CLPTM1: variants seen among roughly 807,000 people sequenced by gnomAD.
CLPTM1 encodes CLPTM1 regulator of GABA type A receptor forward trafficking, also known as putative lipid scramblase CLPTM1.
Under a neutral mutation model 77.3 loss-of-function variants are expected in CLPTM1, and 21 were observed. The ratio of observed to expected loss-of-function variants is 0.27; its 90% CI spans 0.19 to 0.39. CLPTM1 has a LOEUF of 0.39. CLPTM1 is among the 10% of genes least tolerant of loss of function. The pLI is 1.00. For synonymous variants in CLPTM1, 373 were observed against 381.0 expected (o/e 0.98, Z 0.24); for missense variants, 642 against 921.2 (o/e 0.70, Z 3.92).
At chr19:44,955,027 C>G (rs781107439), upstream of CLPTM1, 43 of 1,535,584 alleles carry the variant, frequency 2.8e-5, no homozygotes, top group South Asian at 5.0e-4. Context: ...GAAAAGGACG[C>G]GAAGAATCGG....
upstream of CLPTM1, chr19:44,955,221 G>A (rs535642102): frequency 9.4e-5 from 143 of 1,521,236 alleles, 2 homozygotes; most frequent in East Asian, 3.0e-3. Flanking sequence ...GAGTACGGTG[G>A]CCAGGTTGGT....
intron 2 of CLPTM1, among the ~76,000 whole-genome samples, chr19:44,972,873 G>A (rs1970743576): frequency 6.6e-6 from 1 of 151,790 alleles, no homozygotes; most frequent in Non-Finnish European, 1.5e-5. Context: ...CCACACACTG[G>A]CAAACGGTGG....
rs1970995716 is a variant in CLPTM1, at chr19:44,987,338, A to G, written c.953A>G (p.Tyr318Cys). ...CTCTCGCTTTGGCGCTGGCAGCTCTATGCTGCCCAGAGCACCAAGTCGCCC... is the reference window on the plus strand; with the variant it reads ...CTCTCGCTTTGGCGCTGGCAGCTCTGTGCTGCCCAGAGCACCAAGTCGCCC... ...CPLSLWRWQL[Y>C]AAQSTKSPWN... Residue 318 changes from tyrosine to cysteine, a missense_variant, in exon 8 of 14, where the codon TAT becomes TGT. Tyr to Cys is a radical substitution (Grantham distance 194, BLOSUM62 -2). This residue lies in a region of CLPTM1 where 521 missense variants were observed against 800.4 expected (regional missense o/e 0.65). Coordinates refer to ENST00000337392, the MANE Select transcript of CLPTM1 (RefSeq NM_001294.4). 6.2e-7 allele frequency: 1 copy of G among 1,614,182 alleles called. No homozygotes were observed. Among genetic ancestry groups the G allele is most frequent in the Non-Finnish European group, 8.5e-7 (1 of 1,179,996 alleles).
At chr19:44,973,007 TA>T in intron 2 of CLPTM1, 79 bp from the exon 3 acceptor site, 1 of 1,571,858 alleles carries the variant, frequency 6.4e-7, no homozygotes, top group South Asian at 1.2e-5. Context: ...CAGCATGTGC[TA>T]AGTCAGAAGG....
chr19:44,963,207 CAAAAAA>C (rs778157562), intron 2 of CLPTM1, among the ~76,000 whole-genome samples: 1 of 29,052 alleles, frequency 3.4e-5, no homozygotes, highest in Non-Finnish European at 6.0e-5. Flanking sequence ...GACTCCATCT[CAAAAAA>C]AAAAAAAAAA....
chr19:44,955,181 A>G (rs1266849422), upstream of CLPTM1: 2 of 1,534,714 alleles, frequency 1.3e-6, no homozygotes, highest in Admixed American at 3.9e-5. Flanking sequence ...TGTTTTTATT[A>G]GGTGGAAACA....
intron 1 of CLPTM1, among the ~76,000 whole-genome samples, chr19:44,957,503 T>C (rs1970482541): frequency 6.6e-6 from 1 of 152,258 alleles, no homozygotes; most frequent in African/African-American, 2.4e-5. Context: ...AATTCCCTGA[T>C]GCCGTGGTGG....
intron 7 of CLPTM1, 108 bp from the exon 8 acceptor site, chr19:44,987,071 T>C: frequency 7.1e-7 from 1 of 1,401,090 alleles, no homozygotes; most frequent in Middle Eastern, 1.9e-4. Flanking sequence ...TCCCCTGTCC[T>C]CCAGTCTCTG....
intron 1 of CLPTM1, 84 bp from the exon 2 acceptor site, chr19:44,961,879 T>G: frequency 1.2e-6 from 1 of 824,724 alleles, no homozygotes; most frequent in South Asian, 1.9e-5. Context: ...TTGCCCAGCC[T>G]GTGCCTGGCC....
chr19:44,977,516 G>A lies in CLPTM1; in HGVS notation c.586+56G>A. The stretch of plus-strand genomic sequence containing the variant: ...TGTCCAGGAGGCCAGCATCCTGGGA[G>A]CCCCCAGGCTAATGTGGCGGACAAA... On this transcript the variant is annotated intron_variant, in intron 5 of 13. Coordinates refer to ENST00000337392, the MANE Select transcript of CLPTM1 (RefSeq NM_001294.4). 3 of 1,318,788 alleles carry A rather than the reference G, an allele frequency of 2.3e-6. No homozygotes were observed. In the African/African-American group the frequency reaches 4.3e-5, roughly 19 times the overall value. The allele number at this position is 1,318,788 out of a possible 1,614,324, so 81.7% of individuals were successfully genotyped here. A position where few individuals can be genotyped will look rare whatever the true frequency, so the allele number is the denominator to read the frequency against.
At chr19:44,977,848 G>A (rs1473109028) in intron 5 of CLPTM1, among the ~76,000 whole-genome samples, 1 of 152,154 alleles carries the variant, frequency 6.6e-6, no homozygotes, top group Non-Finnish European at 1.5e-5. Flanking sequence ...GGGTGCAGTG[G>A]TTCATGCCTG....
rs755981416 is a variant in CLPTM1, at chr19:44,973,093, C to T, written c.192C>T (p.Phe64=). ...TTGCTGCTTCTCTCCTCAGGATCTTCATCATCTGGGCCATCAGCAGTTGGT... is the reference window on the plus strand; with the variant it reads ...TTGCTGCTTCTCTCCTCAGGATCTTTATCATCTGGGCCATCAGCAGTTGGT... The part of the protein sequence containing the change: ...QVIKGVLFRI[F]IIWAISSWFR... The change falls in exon 3 of 14, where the codon TTC becomes TTT. Residue 64 remains phenylalanine, a synonymous_variant. Coordinates refer to ENST00000337392, the MANE Select transcript of CLPTM1 (RefSeq NM_001294.4). 1 of 1,613,794 alleles carries T rather than the reference C, an allele frequency of 6.2e-7. No homozygotes were observed. Among genetic ancestry groups the T allele is most frequent in the East Asian group, 2.2e-5 (1 of 44,864 alleles).
chr19:44,971,796 C>G (rs1054141653), intron 2 of CLPTM1, among the ~76,000 whole-genome samples: 2 of 151,086 alleles, frequency 1.3e-5, no homozygotes, highest in African/African-American at 2.4e-5. Flanking sequence ...TGAGCTCAAG[C>G]AATCCGCCTG....
intron 4 of CLPTM1, among the ~76,000 whole-genome samples, chr19:44,975,022 A>G (rs888247926): frequency 6.6e-6 from 1 of 151,328 alleles, no homozygotes; most frequent in Non-Finnish European, 1.5e-5. Context: ...TGAAGCAGGA[A>G]CTGTTATTAT....
In CLPTM1 at chr19:44,993,001, C is replaced by T. The variant is rs980492591; in HGVS notation, c.*104C>T. 6.2e-5 allele frequency: 88 copies of T among 1,412,590 alleles called. No homozygotes were observed. Among genetic ancestry groups the T allele is most frequent in the Non-Finnish European group, 7.7e-5 (79 of 1,030,944 alleles). 87.5% of individuals were successfully genotyped at this position (1,412,590 alleles called of 1,614,324 possible). A position where few individuals can be genotyped will look rare whatever the true frequency, so the allele number is the denominator to read the frequency against. ...CGCCCTTTCCCTGGACAGATCAGGC[C>T]GGGGCGGTGGGAGGCCCGCCTCAGG... is the stretch of plus-strand genomic sequence containing the variant. On this transcript the variant is annotated 3_prime_UTR_variant, in exon 14 of 14. Coordinates refer to ENST00000337392, the MANE Select transcript of CLPTM1 (RefSeq NM_001294.4).
intron 1 of CLPTM1, among the ~76,000 whole-genome samples, chr19:44,959,949 G>T (rs768306636): frequency 6.6e-6 from 1 of 152,148 alleles, no homozygotes; most frequent in Admixed American, 6.5e-5. Context: ...ACGGGTAAGC[G>T]AAGAGACCTG....
chr19:44,976,483 A>G lies in CLPTM1; in HGVS notation c.469-860A>G, dbSNP rs149145668. ...TGCACTCCAGCCTGGGCAACACAGG[A>G]AGACCCCATCTCTAAAAAAGATAGG... is the stretch of plus-strand genomic sequence containing the variant. On this transcript the variant is annotated intron_variant, in intron 4 of 13. Transcript: ENST00000337392. Among the ~76,000 whole-genome samples, 186 of 152,346 alleles carry G rather than the reference A, an allele frequency of 1.2e-3. 2 individuals are homozygous for G. The highest frequency in any genetic ancestry group is 2.1e-3 in the Non-Finnish European group (141 of 68,030).
Position 44,993,084 on chromosome 19 carries a change from G to A in CLPTM1, c.*187G>A, listed in dbSNP as rs1039010049. The A allele has an allele frequency of 7.9e-6, 6 of 760,072 alleles. No homozygotes were observed. Among genetic ancestry groups the A allele is most frequent in the Admixed American group, 5.7e-5 (3 of 52,706 alleles). 47.1% of individuals were successfully genotyped at this position (760,072 alleles called of 1,614,324 possible). Reference sequence around the variant, plus strand: ...CAGGCCAGGGTTTGTTTGTGGAGGCGCTGTCTGTCCCTCTGTCCCTCTGTG... The same window carrying A: ...CAGGCCAGGGTTTGTTTGTGGAGGCACTGTCTGTCCCTCTGTCCCTCTGTG... On this transcript the variant is annotated 3_prime_UTR_variant, in exon 14 of 14. Transcript: ENST00000337392.
chr19:44,972,781 C>T (rs956746837), intron 2 of CLPTM1, among the ~76,000 whole-genome samples: 4 of 152,064 alleles, frequency 2.6e-5, no homozygotes, highest in African/African-American at 9.7e-5. Flanking sequence ...GAGTCAGCCC[C>T]TGCAGCCCTG....
Sources: allele counts gnomAD v4.1 joint callset (sites outside exome capture counted in the v4.1 genomes callset), GRCh38; gene constraint gnomAD v4.1.1; regional missense constraint gnomAD v4.1.1; transcripts MANE v1.5; gene names NCBI Gene and HGNC (gene_info 2026-07-23, HGNC 2026-07-21).